DNAH12: variants seen among roughly 807,000 people sequenced by gnomAD.
DNAH12 encodes axonemal beta dynein heavy chain 12.
In DNAH12, 285 loss-of-function variants were observed where a neutral mutation model predicts 371.5. The ratio of observed to expected loss-of-function variants is 0.77; its 90% CI spans 0.70 to 0.85. DNAH12 has a LOEUF of 0.85. Among genes scored for constraint, DNAH12 ranks in the 40% least tolerant of loss-of-function variants. DNAH12 has a pLI of 0.00. For synonymous variants in DNAH12, 1,200 were observed against 1,213.0 expected (o/e 0.99, Z 0.22); for missense variants, 3,611 against 3,689.4 (o/e 0.98, Z 0.55).
chr3:57,482,918 G>A lies in DNAH12; in HGVS notation c.1650+458C>T, dbSNP rs371892234. Among the ~76,000 whole-genome samples, 33 of 109,794 alleles carry A rather than the reference G, an allele frequency of 3.0e-4. No homozygotes were observed. The East Asian group carries it at 4.9e-3, about 16-fold the overall frequency. The allele number at this position is 109,794 out of a possible 152,430, so 72.0% of individuals were successfully genotyped here. On this transcript the variant is annotated intron_variant, in intron 13 of 73. Coordinates refer to ENST00000495027, the MANE Select transcript of DNAH12 (RefSeq NM_001366028.2). Reference sequence around the variant, plus strand: ...AGGGGAACATCACACACCGGGGACTGTTGTGGGGTGGGGGGAGGGGGGAGG... The same window carrying A: ...AGGGGAACATCACACACCGGGGACTATTGTGGGGTGGGGGGAGGGGGGAGG...
At chr3:57,496,758 C>T (rs2067336576) in intron 11 of DNAH12, among the ~76,000 whole-genome samples, 1 of 152,150 alleles carries the variant, frequency 6.6e-6, no homozygotes, top group African/African-American at 2.4e-5. Flanking sequence ...CACCTGAGGT[C>T]AGGAGTTCAA....
At chr3:57,433,223 G>T (rs1575594286) in intron 32 of DNAH12, 144 bp downstream of exon 32, 4 of 995,856 alleles carry the variant, frequency 4.0e-6, no homozygotes, top group Non-Finnish European at 5.4e-6. Flanking sequence ...AGTTTTCATT[G>T]AAAAGAGAAT....
chr3:57,362,304 G>A (rs1363796449), intron 58 of DNAH12, among the ~76,000 whole-genome samples: 1 of 152,120 alleles, frequency 6.6e-6, no homozygotes, highest in Non-Finnish European at 1.5e-5. Context: ...CTTTGCTATT[G>A]TGAGTAGTGC....
At chr3:57,407,998 C>T (rs559629534) in intron 40 of DNAH12, among the ~76,000 whole-genome samples, 1 of 152,202 alleles carries the variant, frequency 6.6e-6, no homozygotes, top group Non-Finnish European at 1.5e-5. Context: ...TTCCTTATAA[C>T]AACCTTGTGA....
chr3:57,324,039 T>C (rs1336461605), intron 62 of DNAH12, among the ~76,000 whole-genome samples: 1 of 152,218 alleles, frequency 6.6e-6, no homozygotes, highest in Non-Finnish European at 1.5e-5. Flanking sequence ...TACTTATGGA[T>C]CTTCCAGATA....
At chr3:57,389,494 T>A (rs2063564911) in intron 45 of DNAH12, among the ~76,000 whole-genome samples, 1 of 152,124 alleles carries the variant, frequency 6.6e-6, no homozygotes, top group Non-Finnish European at 1.5e-5. Context: ...TCTTTCCGTC[T>A]TGTTGTTCCC....
intron 62 of DNAH12, among the ~76,000 whole-genome samples, chr3:57,326,189 G>C (rs971647344): frequency 7.9e-5 from 12 of 151,518 alleles, no homozygotes; most frequent in Admixed American, 4.6e-4. Context: ...CCAACATTCA[G>C]ATTCAGGAAA....
At chr3:57,399,796 A>G (rs879150636) in intron 43 of DNAH12, among the ~76,000 whole-genome samples, 34,603 of 152,170 alleles carry the variant, frequency 0.23, 4,556 homozygotes, top group South Asian at 0.43. Context: ...GATGATCCAC[A>G]TCCACTTAAT....
intron 2 of DNAH12, chr3:57,536,251 A>G (rs995082772): frequency 4.0e-5 from 6 of 150,958 alleles, no homozygotes; most frequent in African/African-American, 1.5e-4. Flanking sequence ...TTTTATTTTT[A>G]TTTTATATGG....
Position 57,483,378 on chromosome 3 carries a change from G to C in DNAH12, c.1648C>G (p.Gln550Glu). 1.9e-6 allele frequency: 3 copies of C among 1,542,488 alleles called. No homozygotes were observed. Among genetic ancestry groups the C allele is most frequent in the East Asian group, 2.5e-5 (1 of 40,812 alleles). The change falls in exon 13 of 74, where the codon CAG (glutamine) becomes GAG (glutamate). Residue 550 changes from glutamine to glutamate, a missense_variant and splice_region_variant. Coordinates refer to ENST00000495027, the MANE Select transcript of DNAH12 (RefSeq NM_001366028.2). ...VGIEELILRI[Q>E]ESKRQMSYFL... The stretch of plus-strand genomic sequence containing the variant: ...ATATGCAAATTAAAATTCCTTACCT[G>C]GATCCTTAAAATCAACTCTTCGATT...
chr3:57,506,827 A>G (rs979060263), intron 8 of DNAH12, among the ~76,000 whole-genome samples: 1 of 152,106 alleles, frequency 6.6e-6, no homozygotes, highest in African/African-American at 2.4e-5. Flanking sequence ...AAACATGCAC[A>G]AGGAGCTTCT....
At chr3:57,338,087 G>A (rs556586545) in intron 60 of DNAH12, among the ~76,000 whole-genome samples, 18 of 152,168 alleles carry the variant, frequency 1.2e-4, no homozygotes, top group South Asian at 4.1e-4. Context: ...ATCTTGGCTC[G>A]CTGCAACCTC....
chr3:57,323,414 T>C, intron 63 of DNAH12, 55 bp downstream of exon 63: 1 of 1,486,882 alleles, frequency 6.7e-7, no homozygotes, highest in Non-Finnish European at 8.9e-7. Context: ...GGAATCAGTA[T>C]TGAGCAAGAT....
At position 57,510,779 on chromosome 3, in the gene DNAH12, A is replaced by G. The variant is rs1468216492; in HGVS notation, c.469+11T>C. 6 of 1,612,644 alleles carry G rather than the reference A, an allele frequency of 3.7e-6. No individual in the cohort carries two copies. On this transcript the variant is annotated intron_variant, in intron 5 of 73. Transcript: ENST00000495027. Reference sequence around the variant, plus strand: ...GTGAAAGAAGCCTGGTGTGTGTTAGATGCTACTTACCCAAATATCTCTTCA... The same window carrying G: ...GTGAAAGAAGCCTGGTGTGTGTTAGGTGCTACTTACCCAAATATCTCTTCA...
Position 57,361,432 on chromosome 3 carries a change from T to TAC in DNAH12, c.9360+2160_9360+2161dup, listed in dbSNP as rs1162520302. On this transcript the variant is annotated intron_variant, in intron 58 of 73. Transcript: ENST00000495027. ...TATATACACACACACTATATATATATACACACACACACTATATATATATAT... is the reference window on the plus strand; with the variant it reads ...TATATACACACACACTATATATATATACACACACACACACTATATATATATAT... Among the ~76,000 whole-genome samples the TAC allele has an allele frequency of 5.4e-3, 685 of 125,914 alleles. 14 individuals are homozygous for TAC. The highest frequency in any genetic ancestry group is 0.02 in the South Asian group (86 of 4,230). 82.6% of individuals were successfully genotyped at this position (125,914 alleles called of 152,430 possible). A position where few individuals can be genotyped will look rare whatever the true frequency, so the allele number is the denominator to read the frequency against.
intron 55 of DNAH12, among the ~76,000 whole-genome samples, chr3:57,375,071 A>G (rs1279597331): frequency 6.6e-6 from 1 of 152,164 alleles, no homozygotes; most frequent in Admixed American, 6.5e-5. Flanking sequence ...TTTTACCTCA[A>G]AAGAATAAAA....
intron 69 of DNAH12, among the ~76,000 whole-genome samples, 162 bp downstream of exon 69, chr3:57,308,989 C>T (rs777016262): frequency 1.3e-5 from 2 of 152,014 alleles, no homozygotes; most frequent in Non-Finnish European, 2.9e-5. Flanking sequence ...GTTCCCACAC[C>T]GCCCCTAATC....
At chr3:57,370,857 A>C (rs1459849079) in intron 55 of DNAH12, among the ~76,000 whole-genome samples, 1 of 152,144 alleles carries the variant, frequency 6.6e-6, no homozygotes, top group Non-Finnish European at 1.5e-5. Flanking sequence ...CACTAGGTCC[A>C]TATGTTGGGG....
chr3:57,333,090 T>C (rs1559561526), intron 62 of DNAH12, among the ~76,000 whole-genome samples: 1 of 151,932 alleles, frequency 6.6e-6, no homozygotes, highest in South Asian at 2.1e-4. Context: ...TGTTGCATGT[T>C]CTTTTTTATT....
Sources: allele counts gnomAD v4.1 joint callset (sites outside exome capture counted in the v4.1 genomes callset), GRCh38; gene constraint gnomAD v4.1.1; transcripts MANE v1.5; gene names NCBI Gene and HGNC (gene_info 2026-07-23, HGNC 2026-07-21).